The following ZBTB20 variants were observed in gnomAD, a reference collection of about 807,000 sequenced individuals.
ZBTB20 encodes zinc finger and BTB domain-containing protein 20.
In ZBTB20, 9 loss-of-function variants were observed where a neutral mutation model predicts 56.9. That is an observed-to-expected ratio of 0.16 (90% CI 0.10 to 0.28). ZBTB20 has a LOEUF of 0.28. ZBTB20 is among the 10% of genes least tolerant of loss of function. The pLI is 1.00. For synonymous variants in ZBTB20, 417 were observed against 420.7 expected (o/e 0.99, Z 0.11); for missense variants, 655 against 1,003.0 (o/e 0.65, Z 4.69).
chr3:114,563,553 T>C (rs2110303455), intron 6 of ZBTB20, among the ~76,000 whole-genome samples: 1 of 152,256 alleles, frequency 6.6e-6, no homozygotes, highest in South Asian at 2.1e-4. Flanking sequence ...AAACCTAAGG[T>C]AAGTAATCAA....
At chr3:114,633,787 T>C (rs1157415336) in intron 6 of ZBTB20, among the ~76,000 whole-genome samples, 2 of 152,166 alleles carry the variant, frequency 1.3e-5, no homozygotes, top group Admixed American at 1.3e-4. Context: ...ATTATTAAAA[T>C]GATAGTTTAG....
rs138705129 is a variant in ZBTB20, at chr3:114,329,206, A to T, written c.*9799T>A. 1 of 152,200 alleles carries T rather than the reference A, an allele frequency of 6.6e-6. No homozygotes were observed. The highest frequency in any genetic ancestry group is 1.5e-5 in the Non-Finnish European group (1 of 68,038). 9.4% of individuals were successfully genotyped at this position (152,200 alleles called of 1,614,324 possible). ...AATGGGATGGGATTAGAAAACAACA[A>T]TCTATTAGGAAAGATGAAAGGAAGG... On this transcript the variant is annotated 3_prime_UTR_variant, in exon 12 of 12. Transcript: ENST00000675478.
intron 2 of ZBTB20, among the ~76,000 whole-genome samples, chr3:115,061,702 T>C (rs1001026560): frequency 6.6e-6 from 1 of 152,158 alleles, no homozygotes; most frequent in Non-Finnish European, 1.5e-5. Flanking sequence ...AAGAGTAAAT[T>C]AGAGTGTTCT....
chr3:114,565,694 C>A (rs573283559), intron 6 of ZBTB20, among the ~76,000 whole-genome samples: 4 of 152,118 alleles, frequency 2.6e-5, no homozygotes, highest in Admixed American at 2.0e-4. Flanking sequence ...GTATACCATG[C>A]GGTGTGTCCC....
intron 6 of ZBTB20, among the ~76,000 whole-genome samples, chr3:114,641,270 T>C (rs548832188): frequency 2.0e-5 from 3 of 152,036 alleles, no homozygotes; most frequent in South Asian, 2.1e-4. Flanking sequence ...TTGACACAGA[T>C]CCATGATATT....
chr3:114,574,582 A>G (rs1476214755), intron 6 of ZBTB20, among the ~76,000 whole-genome samples: 4 of 152,268 alleles, frequency 2.6e-5, no homozygotes, highest in East Asian at 3.9e-4. Context: ...GACTGAACAT[A>G]TATCTCAATA....
At chr3:114,462,354 G>C (rs1559822422) in intron 7 of ZBTB20, among the ~76,000 whole-genome samples, 1 of 152,172 alleles carries the variant, frequency 6.6e-6, no homozygotes. Context: ...TTAGTCTCTA[G>C]AACCAAGTGC....
intron 3 of ZBTB20, among the ~76,000 whole-genome samples, chr3:114,937,016 G>A (rs538271670): frequency 2.0e-5 from 3 of 152,314 alleles, no homozygotes; most frequent in African/African-American, 7.2e-5. Context: ...AAAGTCCTGA[G>A]AAAGTCTCAG....
chr3:114,669,420 T>C (rs1350124667), intron 6 of ZBTB20, among the ~76,000 whole-genome samples: 1 of 151,988 alleles, frequency 6.6e-6, no homozygotes, highest in African/African-American at 2.4e-5. Flanking sequence ...CTGGATACCA[T>C]ACTAAGGAAA....
chr3:114,781,379 T>C (rs1328590638), intron 5 of ZBTB20, among the ~76,000 whole-genome samples: 2 of 152,224 alleles, frequency 1.3e-5, no homozygotes, highest in Non-Finnish European at 2.9e-5. Flanking sequence ...TTACTTCTAA[T>C]ATGTACAAGC....
intron 7 of ZBTB20, among the ~76,000 whole-genome samples, chr3:114,421,521 T>G (rs983782963): frequency 3.3e-5 from 5 of 152,170 alleles, no homozygotes; most frequent in Non-Finnish European, 5.9e-5. Context: ...ACTTTTGTAC[T>G]GGGTCATGCC....
At chr3:114,910,646 G>T (rs1446012216) in intron 3 of ZBTB20, among the ~76,000 whole-genome samples, 1 of 151,904 alleles carries the variant, frequency 6.6e-6, no homozygotes, top group African/African-American at 2.4e-5. Flanking sequence ...CTGTATATCA[G>T]CCATATAAGT....
At chr3:114,677,126 C>T (rs17681395) in intron 6 of ZBTB20, among the ~76,000 whole-genome samples, 8,721 of 152,190 alleles carry the variant, frequency 0.057, 338 homozygotes, top group Middle Eastern at 0.13. Context: ...AAGCTCACCT[C>T]GGTCATCAGC....
At chr3:114,618,090 T>C (rs1300483240) in intron 6 of ZBTB20, among the ~76,000 whole-genome samples, 4 of 150,452 alleles carry the variant, frequency 2.7e-5, no homozygotes, top group African/African-American at 7.3e-5. Flanking sequence ...TTTTTTTTTT[T>C]CTAAATCTAC....
chr3:114,841,380 C>T (rs753879097), intron 4 of ZBTB20, among the ~76,000 whole-genome samples: 18 of 152,050 alleles, frequency 1.2e-4, no homozygotes, highest in Non-Finnish European at 2.4e-4. Context: ...CATGAAAACA[C>T]GTTTAGTATG....
At chr3:114,773,020 G>A (rs1236504966) in intron 5 of ZBTB20, among the ~76,000 whole-genome samples, 1 of 152,194 alleles carries the variant, frequency 6.6e-6, no homozygotes, top group African/African-American at 2.4e-5. Flanking sequence ...AATGATTCAA[G>A]GTGCTGCTGC....
chr3:114,497,312 G>A (rs2043390535), intron 7 of ZBTB20, among the ~76,000 whole-genome samples: 1 of 152,038 alleles, frequency 6.6e-6, no homozygotes. Flanking sequence ...CCTTGAGCCT[G>A]CAGGATCAAG....
chr3:114,860,411 T>C (rs2075470678), intron 4 of ZBTB20, among the ~76,000 whole-genome samples: 1 of 152,184 alleles, frequency 6.6e-6, no homozygotes, highest in South Asian at 2.1e-4. Flanking sequence ...ATCCCTAGTA[T>C]ATCAAACACT....
chr3:114,761,718 C>T (rs1369449833), intron 5 of ZBTB20, among the ~76,000 whole-genome samples: 1 of 151,518 alleles, frequency 6.6e-6, no homozygotes, highest in Non-Finnish European at 1.5e-5. Context: ...GCTGTAATCC[C>T]ATCTACTTGG....
Sources: gnomAD v4.1 joint callset for allele counts (sites outside exome capture counted in the v4.1 genomes callset) on GRCh38, gnomAD v4.1.1 for gene constraint, MANE v1.5 for transcripts, NCBI Gene and HGNC (gene_info 2026-07-23, HGNC 2026-07-21) for gene names.